DNAJC1: variants seen among roughly 807,000 people sequenced by gnomAD.
The protein encoded by DNAJC1 is dnaJ homolog subfamily C member 1.
In DNAJC1, 58 loss-of-function variants were observed where a neutral mutation model predicts 76.6. That is an observed-to-expected ratio of 0.76 (90% CI 0.61 to 0.94). The LOEUF is 0.94. DNAJC1 is among the 40% of genes least tolerant of loss of function. The pLI is 0.00. For missense variants in DNAJC1, 689 were observed against 677.3 expected (o/e 1.02, Z -0.19); for synonymous variants, 258 against 267.9 (o/e 0.96, Z 0.36).
chr10:21,870,222 A>G (rs1836080479), intron 8 of DNAJC1, among the ~76,000 whole-genome samples: 2 of 152,082 alleles, frequency 1.3e-5, no homozygotes, highest in South Asian at 4.1e-4. Context: ...TAGATGCAAA[A>G]ATAAATATTT....
intron 6 of DNAJC1, among the ~76,000 whole-genome samples, chr10:21,908,255 AT>A (rs55699848): frequency 0.78 from 85,023 of 109,358 alleles, 33,965 homozygotes; most frequent in East Asian, 0.99. Context: ...TATAGAGAAA[AT>A]ATATATATAT....
chr10:21,786,427 A>AATATAT (rs71472824), intron 9 of DNAJC1, among the ~76,000 whole-genome samples: 3 of 31,398 alleles, frequency 9.6e-5, no homozygotes, highest in African/African-American at 3.4e-4. Flanking sequence ...TTAAAATGGG[A>AATATAT]ATATATATAT....
chr10:21,887,471 T>G (rs1836385716), intron 7 of DNAJC1, among the ~76,000 whole-genome samples: 1 of 152,090 alleles, frequency 6.6e-6, no homozygotes, highest in African/African-American at 2.4e-5. Context: ...GGCATCACAC[T>G]ACCTTACTTC....
At chr10:21,780,201 C>A (rs576205838) in intron 9 of DNAJC1, among the ~76,000 whole-genome samples, 4 of 152,272 alleles carry the variant, frequency 2.6e-5, no homozygotes, top group Middle Eastern at 3.4e-3. Flanking sequence ...ACTTCCCCAA[C>A]CTAGCAAGGC....
Position 22,003,196 on chromosome 10 carries a change from C to T in DNAJC1, c.222+17G>A. 1 of 1,517,722 alleles carries T rather than the reference C, an allele frequency of 6.6e-7. No individual in the cohort carries two copies. Among genetic ancestry groups the T allele is most frequent in the South Asian group, 1.3e-5 (1 of 78,310 alleles). 94.0% of individuals were successfully genotyped at this position (1,517,722 alleles called of 1,614,324 possible). The stretch of plus-strand genomic sequence containing the variant: ...CCTGGCCCCTCTCCGCCCGGCCCCG[C>T]GCGCCTCCTTGCTTACCTGCTGCAC... On this transcript the variant is annotated intron_variant, in intron 1 of 11. Coordinates refer to ENST00000376980, the MANE Select transcript of DNAJC1 (RefSeq NM_022365.4).
intron 8 of DNAJC1, among the ~76,000 whole-genome samples, chr10:21,818,898 A>G (rs1424548332): frequency 6.6e-6 from 1 of 152,224 alleles, no homozygotes; most frequent in Admixed American, 6.5e-5. Context: ...AAAGTCTTAC[A>G]TAAGATTATA....
chr10:21,919,946 T>C lies in DNAJC1; in HGVS notation c.538-17A>G. 6.6e-7 allele frequency: 1 copy of C among 1,507,768 alleles called. No homozygotes were observed. The highest frequency in any genetic ancestry group is 9.1e-7 in the Non-Finnish European group (1 of 1,099,900). The allele number at this position is 1,507,768 out of a possible 1,614,324, so 93.4% of individuals were successfully genotyped here. ...TAGTTCATCCTTAATGTGGAAAGAATTATGGTTACAGGTTATCATTAACAT... is the reference window on the plus strand; with the variant it reads ...TAGTTCATCCTTAATGTGGAAAGAACTATGGTTACAGGTTATCATTAACAT... On this transcript the variant is annotated splice_polypyrimidine_tract_variant and intron_variant, in intron 4 of 11. Transcript: ENST00000376980.
intron 9 of DNAJC1, among the ~76,000 whole-genome samples, chr10:21,772,271 C>CTTTTT (rs398045895): frequency 1.7e-3 from 155 of 92,686 alleles, no homozygotes; most frequent in African/African-American, 4.0e-3. Context: ...CACCCCTCTT[C>CTTTTT]TTTTTTTTTT....
chr10:21,932,445 C>G (rs1013435824), intron 1 of DNAJC1, among the ~76,000 whole-genome samples: 1 of 152,176 alleles, frequency 6.6e-6, no homozygotes, highest in South Asian at 2.1e-4. Context: ...ACTCCAAGTT[C>G]GTCCCTCCAG....
chr10:21,946,053 T>TA, intron 1 of DNAJC1, among the ~76,000 whole-genome samples: 1 of 137,096 alleles, frequency 7.3e-6, no homozygotes, highest in Non-Finnish European at 1.6e-5. Context: ...TTTCCTCTTT[T>TA]TTTTTTTTTT....
intron 8 of DNAJC1, among the ~76,000 whole-genome samples, chr10:21,848,168 T>C (rs1382407109): frequency 1.3e-5 from 2 of 152,198 alleles, no homozygotes; most frequent in Non-Finnish European, 2.9e-5. Flanking sequence ...GGTCAGATTA[T>C]ATCTCATTTT....
chr10:21,868,906 C>A (rs1378072236), intron 8 of DNAJC1, among the ~76,000 whole-genome samples: 1 of 152,014 alleles, frequency 6.6e-6, no homozygotes, highest in Non-Finnish European at 1.5e-5. Flanking sequence ...GATCATAAGA[C>A]TGACAAAACA....
In DNAJC1 at chr10:21,929,154, G is replaced by A; in HGVS notation, c.223-13C>T. 1 of 1,575,854 alleles carries A rather than the reference G, an allele frequency of 6.3e-7. No homozygotes were observed. Among genetic ancestry groups the A allele is most frequent in the Non-Finnish European group, 8.7e-7 (1 of 1,152,160 alleles). ...CAGATGATGCATCCTGGAGGTGGTAGGGGGAGGGGAAAATACAAAGCAAAC... is the reference window on the plus strand; with the variant it reads ...CAGATGATGCATCCTGGAGGTGGTAAGGGGAGGGGAAAATACAAAGCAAAC... On this transcript the variant is annotated splice_polypyrimidine_tract_variant and intron_variant, in intron 1 of 11. Transcript: ENST00000376980.
intron 8 of DNAJC1, among the ~76,000 whole-genome samples, chr10:21,878,434 C>G (rs998750619): frequency 6.6e-6 from 1 of 152,142 alleles, no homozygotes; most frequent in Admixed American, 6.5e-5. Flanking sequence ...TGATTTAGTA[C>G]TGCATCTTTA....
intron 7 of DNAJC1, among the ~76,000 whole-genome samples, chr10:21,903,116 G>A (rs950028938): frequency 1.3e-5 from 2 of 152,024 alleles, no homozygotes; most frequent in Non-Finnish European, 1.5e-5. Flanking sequence ...TAGTAGAGAC[G>A]GGGTTTTTAT....
At chr10:21,763,791 C>T (rs1362598473) in intron 10 of DNAJC1, among the ~76,000 whole-genome samples, 1 of 152,108 alleles carries the variant, frequency 6.6e-6, no homozygotes, top group Non-Finnish European at 1.5e-5. Flanking sequence ...AACTGGGTAT[C>T]TTGTTGCAAT....
At chr10:21,983,076 T>C (rs1346174397) in intron 1 of DNAJC1, among the ~76,000 whole-genome samples, 10 of 152,060 alleles carry the variant, frequency 6.6e-5, no homozygotes, top group Non-Finnish European at 1.3e-4. Flanking sequence ...AAGTTAAATA[T>C]AGAATTACTA....
intron 1 of DNAJC1, among the ~76,000 whole-genome samples, chr10:21,945,991 G>A (rs1837498099): frequency 6.7e-6 from 1 of 150,134 alleles, no homozygotes; most frequent in South Asian, 2.1e-4. Context: ...AGTGATAAAT[G>A]CAAAATCAAA....
At chr10:21,940,306 G>C (rs1440351061) in intron 1 of DNAJC1, among the ~76,000 whole-genome samples, 1 of 152,126 alleles carries the variant, frequency 6.6e-6, no homozygotes, top group Non-Finnish European at 1.5e-5. Flanking sequence ...AAGAAGTAGG[G>C]AGAGGCTTTG....
Sources: gnomAD v4.1 joint callset for allele counts (sites outside exome capture counted in the v4.1 genomes callset) on GRCh38, gnomAD v4.1.1 for gene constraint, MANE v1.5 for transcripts, NCBI Gene and HGNC (gene_info 2026-07-23, HGNC 2026-07-21) for gene names.